Variants in OCA2 observed in about 807,000 individuals in gnomAD.
The protein encoded by OCA2 is P protein.
A neutral mutation model predicts 100.2 loss-of-function variants in OCA2; 77 were observed. The observed-to-expected ratio is 0.77, with a 90% CI of 0.64 to 0.93. The LOEUF is 0.93. Among genes scored for constraint, OCA2 ranks in the 40% least tolerant of loss-of-function variants. The pLI is 0.00. For missense variants in OCA2, 1,062 were observed against 1,089.1 expected (o/e 0.98, Z 0.35); for synonymous variants, 432 against 439.2 (o/e 0.98, Z 0.21).
chr15:27,941,139 G>A (rs2039632297), intron 18 of OCA2, among the ~76,000 whole-genome samples: 1 of 152,084 alleles, frequency 6.6e-6, no homozygotes, highest in African/African-American at 2.4e-5. Context: ...TTAATGCTAA[G>A]GGGAAAATAT....
intron 23 of OCA2, among the ~76,000 whole-genome samples, chr15:27,841,479 T>C (rs1199379505): frequency 2.0e-5 from 3 of 152,240 alleles, no homozygotes; most frequent in African/African-American, 7.2e-5. Context: ...CTCTGAATTA[T>C]TTCTTACAAC....
At chr15:28,074,138 A>G (rs1290266708) in intron 2 of OCA2, among the ~76,000 whole-genome samples, 5 of 152,220 alleles carry the variant, frequency 3.3e-5, no homozygotes, top group African/African-American at 1.2e-4. Context: ...CTTGAGAAAG[A>G]ACCACGTTAG....
chr15:27,811,936 G>T (rs1198832608), intron 23 of OCA2, among the ~76,000 whole-genome samples: 1 of 152,154 alleles, frequency 6.6e-6, no homozygotes, highest in South Asian at 2.1e-4. Context: ...CACCAACCTT[G>T]TGGCTCAAGG....
At chr15:27,950,605 A>G (rs758295259) in intron 18 of OCA2, 4 of 506,068 alleles carry the variant, frequency 7.9e-6, no homozygotes, top group Admixed American at 4.1e-5. Flanking sequence ...AAAGAAATGG[A>G]GGGGCTGCAA....
intron 2 of OCA2, among the ~76,000 whole-genome samples, chr15:28,041,956 C>T (rs1397046641): frequency 6.6e-6 from 1 of 152,118 alleles, no homozygotes; most frequent in African/African-American, 2.4e-5. Context: ...CGTACACATA[C>T]AGGAATTTTA....
chr15:27,871,038 C>T (rs573715862), intron 21 of OCA2, 116 bp downstream of exon 21: 5 of 810,136 alleles, frequency 6.2e-6, no homozygotes, highest in African/African-American at 3.4e-5. Flanking sequence ...GTCCTCTACA[C>T]CTGTGAGTGC....
At chr15:28,079,232 A>T (rs1182131427) in intron 2 of OCA2, among the ~76,000 whole-genome samples, 1 of 152,022 alleles carries the variant, frequency 6.6e-6, no homozygotes, top group African/African-American at 2.4e-5. Flanking sequence ...GCTGGTTTCC[A>T]CATACCTGAG....
intron 23 of OCA2, among the ~76,000 whole-genome samples, chr15:27,823,904 A>G (rs1158279911): frequency 6.6e-6 from 1 of 152,258 alleles, no homozygotes; most frequent in Non-Finnish European, 1.5e-5. Context: ...AGCTTAAAGC[A>G]TATAAGAATG....
Position 27,871,263 on chromosome 15 carries a change from AAGG to A in OCA2, c.2140-8_2140-6del, listed in dbSNP as rs2036561707. On this transcript the variant is annotated splice_region_variant and splice_polypyrimidine_tract_variant and intron_variant, in intron 20 of 23. Transcript: ENST00000354638. ...GCGCTGCTCCTCTGGGACCATCTGGAAGGAGGACAATAGCAGCTGCAGTGTTCC... is the reference window on the plus strand; with the variant it reads ...GCGCTGCTCCTCTGGGACCATCTGGAAGGACAATAGCAGCTGCAGTGTTCC... The A allele has an allele frequency of 6.2e-7, 1 of 1,609,844 alleles. No homozygotes were observed. Among genetic ancestry groups the A allele is most frequent in the Non-Finnish European group, 8.5e-7 (1 of 1,176,212 alleles).
chr15:27,989,775 G>A, intron 10 of OCA2, 109 bp from the exon 11 acceptor site: 1 of 962,362 alleles, frequency 1.0e-6, no homozygotes. Flanking sequence ...GCGGGCCAGG[G>A]TTGGAAATCT....
At chr15:28,048,676 T>C (rs1381022685) in intron 2 of OCA2, among the ~76,000 whole-genome samples, 1 of 152,042 alleles carries the variant, frequency 6.6e-6, no homozygotes, top group African/African-American at 2.4e-5. Context: ...ATAGATAAAT[T>C]GAGCTTCATC....
intron 19 of OCA2, among the ~76,000 whole-genome samples, chr15:27,872,149 T>C (rs899592181): frequency 6.6e-6 from 1 of 152,204 alleles, no homozygotes; most frequent in African/African-American, 2.4e-5. Flanking sequence ...AAATCCCTCA[T>C]TGATTTGAGT....
chr15:27,796,079 AAAG>A (rs1439600913), intron 23 of OCA2, among the ~76,000 whole-genome samples: 9 of 152,236 alleles, frequency 5.9e-5, no homozygotes, highest in Admixed American at 6.5e-5. Flanking sequence ...CCAGAAGGGA[AAAG>A]AAGATGCTCC....
At chr15:27,762,899 T>C (rs2030959313) in intron 23 of OCA2, among the ~76,000 whole-genome samples, 1 of 152,222 alleles carries the variant, frequency 6.6e-6, no homozygotes, top group Admixed American at 6.5e-5. Flanking sequence ...CACGTGGTAT[T>C]TGTCTTTCTG....
intron 23 of OCA2, among the ~76,000 whole-genome samples, chr15:27,775,102 GTC>G (rs1555404289): frequency 7.7e-5 from 11 of 143,490 alleles, no homozygotes; most frequent in East Asian, 2.0e-4. Flanking sequence ...GTGTGTGTGT[GTC>G]TGTGTGTTTG....
chr15:27,816,075 G>A (rs997799722), intron 23 of OCA2, among the ~76,000 whole-genome samples: 23 of 152,088 alleles, frequency 1.5e-4, no homozygotes, highest in African/African-American at 3.6e-4. Context: ...CGGAGGTTGC[G>A]GGGAACCGAG....
chr15:28,050,376 G>A (rs2141556068), intron 2 of OCA2, among the ~76,000 whole-genome samples: 1 of 152,142 alleles, frequency 6.6e-6, no homozygotes, highest in Middle Eastern at 3.4e-3. Context: ...GGCCAACATG[G>A]TGAAACCCCG....
chr15:27,872,041 T>G, intron 19 of OCA2, 119 bp from the exon 20 acceptor site: 1 of 745,814 alleles, frequency 1.3e-6, no homozygotes, highest in Non-Finnish European at 2.4e-6. Flanking sequence ...TTCCTGCTTC[T>G]TATAAAAGAT....
At chr15:27,770,439 C>G (rs116745211) in intron 23 of OCA2, among the ~76,000 whole-genome samples, 6,799 of 152,312 alleles carry the variant, frequency 0.045, 519 homozygotes, top group African/African-American at 0.15. Context: ...CGCCTGTCTG[C>G]TCTCCCTGAG....
Sources: allele counts gnomAD v4.1 joint callset (sites outside exome capture counted in the v4.1 genomes callset), GRCh38; gene constraint gnomAD v4.1.1; transcripts MANE v1.5; gene names NCBI Gene and HGNC (gene_info 2026-07-23, HGNC 2026-07-21).